Variants in ZMYND12 observed in about 807,000 individuals in gnomAD.
ZMYND12 encodes the protein zinc finger MYND domain-containing protein 12.
Under a neutral mutation model 41.7 loss-of-function variants are expected in ZMYND12, and 32 were observed. The observed-to-expected ratio is 0.77, with a 90% CI of 0.58 to 1.03. The LOEUF is 1.03. ZMYND12 is among the 50% of genes least tolerant of loss of function. The pLI is 0.00. For synonymous variants in ZMYND12, 148 were observed against 164.8 expected (o/e 0.90, Z 0.78); for missense variants, 424 against 438.5 (o/e 0.97, Z 0.30).
intron 2 of ZMYND12, 151 bp from the exon 3 acceptor site, chr1:42,448,789 A>G (rs772622225): frequency 3.2e-5 from 21 of 648,982 alleles, no homozygotes; most frequent in Non-Finnish European, 4.8e-5. Flanking sequence ...GAAGCCCCAC[A>G]TAAGTGATAT....
At chr1:42,442,044 C>T (rs1642976896) in intron 3 of ZMYND12, among the ~76,000 whole-genome samples, 1 of 152,116 alleles carries the variant, frequency 6.6e-6, no homozygotes, top group Admixed American at 6.6e-5. Flanking sequence ...CTGTATCGGC[C>T]TGTGATGCTG....
intron 4 of ZMYND12, among the ~76,000 whole-genome samples, chr1:42,437,195 A>G (rs10890196): frequency 0.17 from 25,127 of 152,134 alleles, 2,271 homozygotes; most frequent in African/African-American, 0.22. Context: ...GATGCAAAGG[A>G]CCACACATGA....
intron 1 of ZMYND12, among the ~76,000 whole-genome samples, chr1:42,455,666 T>C (rs1277935508): frequency 1.3e-5 from 2 of 152,232 alleles, no homozygotes; most frequent in African/African-American, 4.8e-5. Context: ...GCACCTAAAA[T>C]AGTGCATAAC....
At chr1:42,445,777 A>G (rs1186390900) in intron 3 of ZMYND12, among the ~76,000 whole-genome samples, 2 of 152,134 alleles carry the variant, frequency 1.3e-5, no homozygotes, top group Non-Finnish European at 2.9e-5. Context: ...CTTTATTTAG[A>G]GGAGTGATGG....
In ZMYND12 at chr1:42,448,586, C is replaced by T. The variant is rs1410294110; in HGVS notation, c.305G>A (p.Gly102Glu). 1 of 1,613,542 alleles carries T rather than the reference C, an allele frequency of 6.2e-7. No individual in the cohort carries two copies. Among genetic ancestry groups the T allele is most frequent in the African/African-American group, 1.3e-5 (1 of 75,002 alleles). The change falls in exon 3 of 8, where the codon GGG becomes GAG. Residue 102 changes from glycine (G) to glutamate (E), a missense_variant. Coordinates refer to ENST00000372565, the MANE Select transcript of ZMYND12 (RefSeq NM_032257.5). ...YTIAQKYLFE[G>E]KHEDAVPAAL... The stretch of plus-strand genomic sequence containing the variant: ...TGCTGGTACAGCATCTTCGTGTTTC[C>T]CTTCAAAGAGGTATTTCTGGGCTAT...
At chr1:42,445,587 G>C (rs897293569) in intron 3 of ZMYND12, among the ~76,000 whole-genome samples, 1 of 152,078 alleles carries the variant, frequency 6.6e-6, no homozygotes, top group Non-Finnish European at 1.5e-5. Context: ...AGTGGCTACA[G>C]AAAAGCCTTT....
In ZMYND12 at chr1:42,445,411, C is replaced by G. The variant is rs143641338; in HGVS notation, c.424+3056G>C. On this transcript the variant is annotated intron_variant, in intron 3 of 7. Coordinates refer to ENST00000372565, the MANE Select transcript of ZMYND12 (RefSeq NM_032257.5). The stretch of plus-strand genomic sequence containing the variant: ...TCAGGCCATTGCACTCCAGCCTGTA[C>G]AACAGATCGGGACTCCGTCTAAAAA... Among the ~76,000 whole-genome samples the G allele has an allele frequency of 2.3e-4, 31 of 135,964 alleles. No individual in the cohort carries two copies. The East Asian group carries it at 6.9e-3, about 30-fold the overall frequency. 89.2% of individuals were successfully genotyped at this position (135,964 alleles called of 152,430 possible).
chr1:42,433,541 G>GTT (rs1642876878), intron 6 of ZMYND12, among the ~76,000 whole-genome samples: 4 of 152,146 alleles, frequency 2.6e-5, no homozygotes, highest in Admixed American at 2.6e-4. Context: ...CCTAAAAATA[G>GTT]GCTCACTCCC....
chr1:42,448,716 A>G, intron 2 of ZMYND12, 78 bp from the exon 3 acceptor site: 2 of 1,401,684 alleles, frequency 1.4e-6, no homozygotes, highest in Non-Finnish European at 1.9e-6. Flanking sequence ...CCTGGGGATA[A>G]GGCCAACACC....
In ZMYND12 at chr1:42,439,888, A is replaced by G; in HGVS notation, c.562T>C (p.Tyr188His). ...LGLLYIAKKN[Y>H]EEARYHLAND... The stretch of plus-strand genomic sequence containing the variant: ...GCCAGATGATAACGGGCCTCTTCAT[A>G]GTTTTTCTTAGCTATATAGAGAAGT... The change falls in exon 4 of 8, where the codon TAT (tyrosine) becomes CAT (histidine). Residue 188 changes from tyrosine (Y) to histidine (H), a missense_variant. Transcript: ENST00000372565. The G allele has an allele frequency of 6.2e-7, 1 of 1,613,312 alleles. No individual in the cohort carries two copies. The highest frequency in any genetic ancestry group is 8.5e-7 in the Non-Finnish European group (1 of 1,179,822).
chr1:42,453,300 T>G (rs2148411523), intron 1 of ZMYND12, among the ~76,000 whole-genome samples: 1 of 152,328 alleles, frequency 6.6e-6, no homozygotes, highest in African/African-American at 2.4e-5. Flanking sequence ...AATTTATACA[T>G]GCATTTATCA....
intron 5 of ZMYND12, among the ~76,000 whole-genome samples, chr1:42,436,209 A>G (rs1281620880): frequency 6.6e-6 from 1 of 152,108 alleles, no homozygotes; most frequent in Non-Finnish European, 1.5e-5. Context: ...CACCCTACGG[A>G]TGTTAAGGGT....
At chr1:42,445,650 G>A (rs1643016223) in intron 3 of ZMYND12, among the ~76,000 whole-genome samples, 1 of 152,094 alleles carries the variant, frequency 6.6e-6, no homozygotes. Context: ...GCCGGTCGGT[G>A]TAACTGGAAG....
intron 1 of ZMYND12, among the ~76,000 whole-genome samples, chr1:42,454,261 T>C (rs1364833593): frequency 6.6e-6 from 1 of 152,180 alleles, no homozygotes; most frequent in African/African-American, 2.4e-5. Context: ...GTATTTTCTG[T>C]TACAAATTCT....
chr1:42,432,538 G>A (rs1642864521), intron 7 of ZMYND12, among the ~76,000 whole-genome samples: 1 of 152,046 alleles, frequency 6.6e-6, no homozygotes, highest in South Asian at 2.1e-4. Flanking sequence ...ATGTTTGAAT[G>A]AATGAGAGAA....
At chr1:42,454,598 G>C (rs1048345105) in intron 1 of ZMYND12, among the ~76,000 whole-genome samples, 26 of 152,206 alleles carry the variant, frequency 1.7e-4, no homozygotes, top group African/African-American at 5.1e-4. Context: ...ACCATTCATG[G>C]TTTCCCAGGA....
chr1:42,453,676 C>G (rs1479429955), intron 1 of ZMYND12, among the ~76,000 whole-genome samples: 5 of 152,194 alleles, frequency 3.3e-5, no homozygotes, highest in African/African-American at 1.2e-4. Context: ...AGTGCTCACA[C>G]CAAGCAAAAG....
rs551944588 is a variant in ZMYND12 at position 42,451,916 on chromosome 1, C to T, written c.111-1857G>A. Among the ~76,000 whole-genome samples, 21 of 152,202 alleles carry T rather than the reference C, an allele frequency of 1.4e-4. 1 individual carries two copies. The South Asian group carries it at 1.5e-3, about 11-fold the overall frequency. ...AAAGTGAGCTTTATTTATATATTTG[C>T]GGGCTCCCTGCTTATTGATCTGTCC... On this transcript the variant is annotated intron_variant, in intron 1 of 7. Transcript: ENST00000372565.
Position 42,436,472 on chromosome 1 carries a change from A to G in ZMYND12, c.666T>C (p.Asn222=). Residue 222 remains asparagine (N), a synonymous_variant, in exon 5 of 8, where the codon AAT becomes AAC. Transcript: ENST00000372565. Reference sequence around the variant, plus strand: ...CCAACTTTTTAAGGTCATAGAATATATTAGCCAGGTGGAAGTAGCCTCCTG... The same window carrying G: ...CCAACTTTTTAAGGTCATAGAATATGTTAGCCAGGTGGAAGTAGCCTCCTG... ...RTSGGYFHLA[N]IFYDLKKLDL... is the part of the protein sequence containing the mutation. The G allele has an allele frequency of 1.9e-6, 3 of 1,613,890 alleles. No individual in the cohort carries two copies. Among genetic ancestry groups the G allele is most frequent in the Non-Finnish European group, 2.5e-6 (3 of 1,179,758 alleles).
Sources: gnomAD v4.1 joint callset for allele counts (sites outside exome capture counted in the v4.1 genomes callset) on GRCh38, gnomAD v4.1.1 for gene constraint, MANE v1.5 for transcripts, NCBI Gene and HGNC (gene_info 2026-07-23, HGNC 2026-07-21) for gene names.